The following LOC728743 variants were observed in gnomAD, a reference collection of about 807,000 sequenced individuals.
chr7:150,410,273 A>G, the LOC728743 span: 11 of 398,486 alleles, frequency 2.8e-5, no homozygotes, highest in African/African-American at 2.1e-4. Flanking sequence ...GCATGAGGAC[A>G]CATCCAGTAA....
chr7:150,401,543 CAG>C, the LOC728743 span, among the ~76,000 whole-genome samples: 1 of 152,240 alleles, frequency 6.6e-6, no homozygotes, highest in South Asian at 2.1e-4. Flanking sequence ...GGGCCAAAAA[CAG>C]TGTGTTCTCA....
At chr7:150,410,386 G>A in the LOC728743 span, 50 of 390,238 alleles carry the variant, frequency 1.3e-4, no homozygotes, top group East Asian at 1.8e-3. Context: ...AACTCTCCAG[G>A]CCTGGTGGGA....
At chr7:150,401,431 G>T in the LOC728743 span, among the ~76,000 whole-genome samples, 1 of 152,376 alleles carries the variant, frequency 6.6e-6, no homozygotes, top group South Asian at 2.1e-4. Flanking sequence ...TTGGCAGAGA[G>T]AAATGGGTGG....
At chr7:150,410,627 G>A in the LOC728743 span, 1 of 152,748 alleles carries the variant, frequency 6.5e-6, no homozygotes, top group Admixed American at 7.1e-5. Flanking sequence ...GAAACCTGCA[G>A]GCTTCATTTT....
the LOC728743 span, among the ~76,000 whole-genome samples, chr7:150,406,630 C>T: frequency 1.6e-4 from 24 of 152,146 alleles, no homozygotes; most frequent in African/African-American, 4.3e-4. Flanking sequence ...AACCCTGCTC[C>T]GCCCCTTTCT....
chr7:150,401,402 G>A, the LOC728743 span, among the ~76,000 whole-genome samples: 3 of 152,244 alleles, frequency 2.0e-5, no homozygotes, highest in Non-Finnish European at 4.4e-5. Context: ...CCGAGGGAGA[G>A]GGCAGGCCCC....
the LOC728743 span, chr7:150,411,294 A>C: frequency 6.6e-6 from 1 of 152,366 alleles, no homozygotes; most frequent in Non-Finnish European, 1.5e-5. Context: ...CCAAGTGTTC[A>C]GCCCAGTGGG....
chr7:150,401,264 G>A, the LOC728743 span, among the ~76,000 whole-genome samples: 2 of 152,264 alleles, frequency 1.3e-5, no homozygotes, highest in African/African-American at 2.4e-5. Flanking sequence ...CGAGCTTCAA[G>A]TCGTCCGGTA....
chr7:150,408,796 A>G, the LOC728743 span, among the ~76,000 whole-genome samples: 2 of 152,118 alleles, frequency 1.3e-5, no homozygotes, highest in African/African-American at 4.8e-5. Context: ...TAAGTTGGGG[A>G]TATAGATGAG....
chr7:150,404,179 G>C, the LOC728743 span, among the ~76,000 whole-genome samples: 3 of 152,190 alleles, frequency 2.0e-5, no homozygotes, highest in African/African-American at 7.2e-5. Flanking sequence ...AGGCCACAGA[G>C]AAAAAAGCCT....
chr7:150,406,325 G>A, the LOC728743 span, among the ~76,000 whole-genome samples: 2 of 152,170 alleles, frequency 1.3e-5, no homozygotes, highest in Non-Finnish European at 2.9e-5. Flanking sequence ...TTAGGGCCCT[G>A]CAGGAGCCCA....
the LOC728743 span, chr7:150,400,748 TC>T: frequency 6.6e-6 from 1 of 152,216 alleles, no homozygotes; most frequent in Admixed American, 6.5e-5. Flanking sequence ...CCTTCTCACT[TC>T]TCATTCTCTT....
At chr7:150,407,530 C>T in the LOC728743 span, 1 of 398,158 alleles carries the variant, frequency 2.5e-6, no homozygotes, top group African/African-American at 2.1e-5. Flanking sequence ...CCCTCGTGTT[C>T]CCCGACCCCT....
the LOC728743 span, chr7:150,410,053 T>C: frequency 5.0e-6 from 2 of 398,334 alleles, no homozygotes. Context: ...CTAGGACAGA[T>C]TCAGGGTAGG....
At chr7:150,402,549 G>A in the LOC728743 span, among the ~76,000 whole-genome samples, 1 of 152,208 alleles carries the variant, frequency 6.6e-6, no homozygotes, top group South Asian at 2.1e-4. Flanking sequence ...TGGACACGTG[G>A]GACAAAGAGA....
chr7:150,401,415 G>A, the LOC728743 span, among the ~76,000 whole-genome samples: 9 of 152,230 alleles, frequency 5.9e-5, no homozygotes, highest in African/African-American at 1.9e-4. Context: ...CAGGCCCCTC[G>A]TGGACTTGGC....
At chr7:150,408,911 G>A in the LOC728743 span, among the ~76,000 whole-genome samples, 2 of 150,224 alleles carry the variant, frequency 1.3e-5, no homozygotes, top group African/African-American at 5.1e-5. Context: ...GCCACTGACT[G>A]TGCCGGGCTG....
the LOC728743 span, chr7:150,410,986 A>T: frequency 6.6e-6 from 1 of 152,152 alleles, no homozygotes; most frequent in East Asian, 1.9e-4. Flanking sequence ...CTTCTCCCAG[A>T]CCTAACGAAT....
At chr7:150,407,570 T>C in the LOC728743 span, 2 of 397,372 alleles carry the variant, frequency 5.0e-6, no homozygotes, top group Non-Finnish European at 8.9e-6. Flanking sequence ...CCGCCCCCGC[T>C]TCTGTCTCCC....
Sources: allele counts gnomAD v4.1 joint callset (sites outside exome capture counted in the v4.1 genomes callset), GRCh38; gene constraint gnomAD v4.1.1; transcripts MANE v1.5.